Variants in C6orf132 observed in about 807,000 individuals in gnomAD.
C6orf132 encodes the protein uncharacterized protein C6orf132.
In C6orf132, 43 loss-of-function variants were observed where a neutral mutation model predicts 65.3. That is an observed-to-expected ratio of 0.66 (90% CI 0.52 to 0.85). The LOEUF (loss-of-function observed/expected upper bound fraction) is 0.85, where lower values mean the gene tolerates loss of function less well. Ranked by LOEUF, C6orf132 falls within the 40% of genes least tolerant of loss-of-function variation. C6orf132 has a pLI of 0.00. For synonymous variants in C6orf132, 631 were observed against 654.1 expected (o/e 0.96, Z 0.54); for missense variants, 1,488 against 1,548.8 (o/e 0.96, Z 0.66).
At chr6:42,121,666 G>A (rs1364876736) in intron 2 of C6orf132, among the ~76,000 whole-genome samples, 5 of 152,244 alleles carry the variant, frequency 3.3e-5, no homozygotes, top group Non-Finnish European at 2.9e-5. Flanking sequence ...CAGCCAGCTC[G>A]GAGTCTTAGC....
At chr6:42,128,269 G>A (rs1766797546) in intron 2 of C6orf132, among the ~76,000 whole-genome samples, 1 of 152,112 alleles carries the variant, frequency 6.6e-6, no homozygotes, top group Non-Finnish European at 1.5e-5. Flanking sequence ...AAATATATTT[G>A]TCTCCTGCAG....
rs1283499216 is a variant in C6orf132 at position 42,105,640 on chromosome 6, T to C, written c.2272A>G (p.Thr758Ala). 2 of 1,537,116 alleles carry C rather than the reference T, an allele frequency of 1.3e-6. No individual in the cohort carries two copies. Among genetic ancestry groups the C allele is most frequent in the Non-Finnish European group, 1.7e-6 (2 of 1,146,902 alleles). Residue 758 changes from threonine (T) to alanine (A), a missense_variant, in exon 4 of 5, where the codon ACA (threonine) becomes GCA (alanine). Physicochemically the swap from Thr to Ala is moderately conservative, Grantham distance 58 (BLOSUM62 0). Coordinates refer to ENST00000341865, the MANE Select transcript of C6orf132 (RefSeq NM_001164446.3). The part of the protein sequence containing the change: ...ARSSAAFPPK[T>A]SPGGGEVPCL... ...GGCACCTCTCCTCCACCAGGAGATG[T>C]CTTTGGTGGGAAGGCTGCAGATGAG...
rs183649001 is a variant in C6orf132 at position 42,139,762 on chromosome 6, T to C, written c.145+2538A>G. Reference sequence around the variant, plus strand: ...GTATTTTATGTGTGGCCCAAGACAATTCTTCTTCCAATGTGACCCAGGGAA... The same window carrying C: ...GTATTTTATGTGTGGCCCAAGACAACTCTTCTTCCAATGTGACCCAGGGAA... On this transcript the variant is annotated intron_variant, in intron 1 of 4. Coordinates refer to ENST00000341865, the MANE Select transcript of C6orf132 (RefSeq NM_001164446.3). Among the ~76,000 whole-genome samples, 136 of 152,226 alleles carry C rather than the reference T, an allele frequency of 8.9e-4. 1 individual carries two copies. Among genetic ancestry groups the C allele is most frequent in the African/African-American group, 3.0e-3 (126 of 41,522 alleles).
At chr6:42,132,864 A>AAAAAAAAG (rs1300102491) in intron 1 of C6orf132, among the ~76,000 whole-genome samples, 4 of 148,574 alleles carry the variant, frequency 2.7e-5, no homozygotes, top group Admixed American at 6.6e-5. Context: ...CTCAAAAAAA[A>AAAAAAAAG]AAAAGAAAAG....
chr6:42,112,825 G>A (rs1219606634), intron 2 of C6orf132, among the ~76,000 whole-genome samples: 1 of 152,150 alleles, frequency 6.6e-6, no homozygotes, highest in African/African-American at 2.4e-5. Flanking sequence ...TAATATACAA[G>A]AAGGGCACTC....
Position 42,104,418 on chromosome 6 carries a change from T to C in C6orf132, c.3449+45A>G. On this transcript the variant is annotated intron_variant, in intron 4 of 4. Transcript: ENST00000341865. The surrounding 1 kb of genome is among the most constrained non-coding windows in gnomAD (Gnocchi z 4.1). The stretch of plus-strand genomic sequence containing the variant: ...GGGACTCCTTGGCCCTCGCCTGGCT[T>C]TCCACCCCTCCTGGCTTCCCGCACC... 1 of 1,228,768 alleles carries C rather than the reference T, an allele frequency of 8.1e-7. No individual in the cohort carries two copies. The highest frequency in any genetic ancestry group is 4.2e-5 in the Admixed American group (1 of 23,608). The allele number at this position is 1,228,768 out of a possible 1,614,324, so 76.1% of individuals were successfully genotyped here. A position where few individuals can be genotyped will look rare whatever the true frequency, so the allele number is the denominator to read the frequency against.
chr6:42,128,881 T>C, intron 1 of C6orf132, 103 bp from the exon 2 acceptor site: 3 of 767,562 alleles, frequency 3.9e-6, no homozygotes, highest in Admixed American at 4.2e-5. Flanking sequence ...AGCCAGGGCC[T>C]GCGTGTCTCC....
At chr6:42,121,970 T>C (rs1766692850) in intron 2 of C6orf132, among the ~76,000 whole-genome samples, 1 of 151,292 alleles carries the variant, frequency 6.6e-6, no homozygotes, top group Non-Finnish European at 1.5e-5. Flanking sequence ...AGTATGGGGG[T>C]GCTGGCCTGG....
intron 3 of C6orf132, among the ~76,000 whole-genome samples, chr6:42,109,759 C>T (rs1259719696): frequency 6.6e-6 from 1 of 152,292 alleles, no homozygotes; most frequent in Middle Eastern, 3.4e-3. Context: ...TGAAGCACCT[C>T]TGAGAGGTGT....
intron 2 of C6orf132, among the ~76,000 whole-genome samples, chr6:42,111,589 A>C (rs1420256564): frequency 6.6e-6 from 1 of 151,584 alleles, no homozygotes; most frequent in Admixed American, 6.6e-5. Flanking sequence ...GCCCTGGCTA[A>C]TTTTTTGTAT....
In C6orf132 at chr6:42,107,322, A is replaced by G; in HGVS notation, c.590T>C (p.Leu197Pro). Residue 197 changes from leucine (L) to proline (P), a missense_variant, in exon 4 of 5, where the codon CTA (leucine) becomes CCA (proline). Leu to Pro is a moderately conservative substitution (Grantham distance 98). Transcript: ENST00000341865. ...APPPPPVLEALSPPHTLSSPS... is the reference protein window; with the variant it reads ...APPPPPVLEAPSPPHTLSSPS... Reference sequence around the variant, plus strand: ...GGAGGAAAGAGTGTGTGGTGGGGATAGGGCCTCCAATACTGGGGGTGGAGG... The same window carrying G: ...GGAGGAAAGAGTGTGTGGTGGGGATGGGGCCTCCAATACTGGGGGTGGAGG... 2.0e-6 allele frequency: 2 copies of G among 982,498 alleles called. No homozygotes were observed. The highest frequency in any genetic ancestry group is 1.3e-6 in the Non-Finnish European group (1 of 776,688). 60.9% of individuals were successfully genotyped at this position (982,498 alleles called of 1,614,324 possible). A position where few individuals can be genotyped will look rare whatever the true frequency, so the allele number is the denominator to read the frequency against.
intron 1 of C6orf132, among the ~76,000 whole-genome samples, chr6:42,132,211 T>C (rs1027901278): frequency 7.2e-5 from 11 of 152,006 alleles, no homozygotes; most frequent in Non-Finnish European, 1.5e-4. Context: ...AGATAGTAAA[T>C]TTGTTATCAA....
At chr6:42,111,183 G>T (rs1440644080) in intron 2 of C6orf132, among the ~76,000 whole-genome samples, 1 of 151,714 alleles carries the variant, frequency 6.6e-6, no homozygotes, top group Non-Finnish European at 1.5e-5. Flanking sequence ...GAGTGCAGTG[G>T]TGCAATCATG....
At chr6:42,127,654 T>C (rs1766787139) in intron 2 of C6orf132, among the ~76,000 whole-genome samples, 1 of 152,156 alleles carries the variant, frequency 6.6e-6, no homozygotes, top group Non-Finnish European at 1.5e-5. Context: ...GAGGATGCCG[T>C]GACCCCAGTG....
rs4413610 is a variant in C6orf132, at chr6:42,101,237, C to T, written c.*2524G>A. ...TACTAAGCGCTAGGCACGTGCTGGACGCTTTGCCTAAATCAGTATGTCACC... is the reference window on the plus strand; with the variant it reads ...TACTAAGCGCTAGGCACGTGCTGGATGCTTTGCCTAAATCAGTATGTCACC... On this transcript the variant is annotated 3_prime_UTR_variant, in exon 5 of 5. Transcript: ENST00000341865. The T allele has an allele frequency of 0.25, 38,034 of 152,020 alleles. 5,317 individuals carry two copies. Among genetic ancestry groups the T allele is most frequent in the African/African-American group, 0.37 (15,430 of 41,414 alleles). The allele number at this position is 152,020 out of a possible 1,614,324, so 9.4% of individuals were successfully genotyped here. A position where few individuals can be genotyped will look rare whatever the true frequency, so the allele number is the denominator to read the frequency against.
chr6:42,137,308 AGAAG>A (rs1209461218), intron 1 of C6orf132, among the ~76,000 whole-genome samples: 1 of 152,168 alleles, frequency 6.6e-6, no homozygotes, highest in African/African-American at 2.4e-5. Flanking sequence ...GAGTGACAAG[AGAAG>A]CTTATACAAT....
Position 42,106,173 on chromosome 6 carries a change from T to C in C6orf132, c.1739A>G (p.Lys580Arg). Residue 580 changes from lysine (K) to arginine (R), a missense_variant, in exon 4 of 5, where the codon AAG becomes AGG. Coordinates refer to ENST00000341865, the MANE Select transcript of C6orf132 (RefSeq NM_001164446.3). ...AGATCCTATGCTGGGCTTAGCCTCC[T>C]TCTCTGCTGCTGAGGAGAGCCGGGC... ...LEARLSSAAE[K>R]EAKPSIGSLP... 1 of 1,537,230 alleles carries C rather than the reference T, an allele frequency of 6.5e-7. No homozygotes were observed. The highest frequency in any genetic ancestry group is 2.0e-5 in the Admixed American group (1 of 50,990).
chr6:42,105,081 A>G lies in C6orf132; in HGVS notation c.2831T>C (p.Val944Ala), dbSNP rs201999772. Residue 944 changes from valine to alanine, a missense_variant, in exon 4 of 5, where the codon GTG becomes GCG. Val to Ala is a moderately conservative substitution (Grantham distance 64, BLOSUM62 0). Coordinates refer to ENST00000341865, the MANE Select transcript of C6orf132 (RefSeq NM_001164446.3). Reference protein sequence around the residue: ...NWTKPEPQAPVAWERVAPSNL... With the variant: ...NWTKPEPQAPAAWERVAPSNL... ...GGAGGGAGCTACTCTTTCCCAGGCC[A>G]CAGGGGCCTGGGGCTCTGGCTTTGT... 126 of 1,536,698 alleles carry G rather than the reference A, an allele frequency of 8.2e-5. No individual in the cohort carries two copies. The Middle Eastern group carries it at 8.4e-4, about 10-fold the overall frequency.
intron 1 of C6orf132, among the ~76,000 whole-genome samples, chr6:42,132,683 A>C (rs1188897268): frequency 6.6e-6 from 1 of 151,342 alleles, no homozygotes; most frequent in Non-Finnish European, 1.5e-5. Flanking sequence ...CCCTGTCTCT[A>C]CTAAAAATAC....
Sources: allele counts gnomAD v4.1 joint callset (sites outside exome capture counted in the v4.1 genomes callset), GRCh38; gene constraint gnomAD v4.1.1; non-coding constraint Gnocchi (gnomAD v3.1); transcripts MANE v1.5; gene names NCBI Gene and HGNC (gene_info 2026-07-23, HGNC 2026-07-21).